The following TFEC variants were observed in gnomAD, a reference collection of about 807,000 sequenced individuals.
TFEC encodes transcription factor EC.
A neutral mutation model predicts 41.6 loss-of-function variants in TFEC; 31 were observed. That is an observed-to-expected ratio of 0.74 (90% confidence interval 0.56 to 1.01). TFEC has a LOEUF of 1.01. Ranked by LOEUF, TFEC falls within the 50% of genes least tolerant of loss-of-function variation. The probability of loss-of-function intolerance (pLI) is 0.00; values close to 1 mark genes in which losing one functional copy is unlikely to be tolerated. For missense variants in TFEC, 402 were observed against 404.1 expected (o/e 0.99, Z 0.04); for synonymous variants, 143 against 140.6 (o/e 1.02, Z -0.12).
chr7:116,145,781 T>C (rs1798629162), intron 1 of TFEC, among the ~76,000 whole-genome samples: 1 of 152,172 alleles, frequency 6.6e-6, no homozygotes, highest in Admixed American at 6.5e-5. Flanking sequence ...GTCCATGGCA[T>C]CCACTAAAAT....
chr7:116,008,903 T>A (rs915597636), intron 1 of TFEC, among the ~76,000 whole-genome samples: 1 of 152,200 alleles, frequency 6.6e-6, no homozygotes, highest in Non-Finnish European at 1.5e-5. Flanking sequence ...AAAATGTGAT[T>A]GTAACATATT....
intron 1 of TFEC, among the ~76,000 whole-genome samples, chr7:115,994,094 C>T (rs1794248645): frequency 6.6e-6 from 1 of 152,158 alleles, no homozygotes; most frequent in Non-Finnish European, 1.5e-5. Flanking sequence ...TGACAAAAAC[C>T]AGAAATGGGG....
chr7:116,020,131 A>G (rs536865220), intron 1 of TFEC, among the ~76,000 whole-genome samples: 2 of 152,290 alleles, frequency 1.3e-5, no homozygotes, highest in South Asian at 2.1e-4. Flanking sequence ...GTGGGGCCAG[A>G]GGATAGGTTA....
chr7:115,984,911 A>G (rs1366994966), intron 1 of TFEC, among the ~76,000 whole-genome samples: 1 of 152,122 alleles, frequency 6.6e-6, no homozygotes, highest in Non-Finnish European at 1.5e-5. Flanking sequence ...ACACATAAAT[A>G]TTCTATGGAA....
chr7:116,126,935 T>TTAAA (rs148050920), intron 1 of TFEC, among the ~76,000 whole-genome samples: 2,775 of 152,176 alleles, frequency 0.018, 40 homozygotes, highest in Non-Finnish European at 0.027. Flanking sequence ...ACAAAATAAA[T>TTAAA]TAAATAAATA....
At chr7:116,138,527 C>A (rs1798479093) in intron 1 of TFEC, among the ~76,000 whole-genome samples, 1 of 152,170 alleles carries the variant, frequency 6.6e-6, no homozygotes, top group Non-Finnish European at 1.5e-5. Flanking sequence ...CTAAAATTAA[C>A]AAGCTACTAA....
intron 3 of TFEC, among the ~76,000 whole-genome samples, chr7:116,055,129 A>G (rs906889960): frequency 6.6e-6 from 1 of 152,142 alleles, no homozygotes; most frequent in Admixed American, 6.5e-5. Flanking sequence ...AGTTTAGTGA[A>G]TAAGTTCAAT....
At chr7:116,081,120 G>A (rs1797080376) in intron 3 of TFEC, among the ~76,000 whole-genome samples, 1 of 151,702 alleles carries the variant, frequency 6.6e-6, no homozygotes, top group Non-Finnish European at 1.5e-5. Context: ...CTCCGGAATA[G>A]AATACCAAAC....
chr7:116,062,664 T>G (rs1796597796), intron 3 of TFEC, among the ~76,000 whole-genome samples: 1 of 149,340 alleles, frequency 6.7e-6, no homozygotes, highest in Non-Finnish European at 1.5e-5. Context: ...AAATTGCAAA[T>G]TGTGCTGCTA....
rs1422610436 is a variant in TFEC at position 115,937,590 on chromosome 7, T to C, written c.*2961A>G. The C allele has an allele frequency of 6.6e-6, 1 of 151,722 alleles. No individual in the cohort carries two copies. 9.4% of individuals were successfully genotyped at this position (151,722 alleles called of 1,614,324 possible). A position where few individuals can be genotyped will look rare whatever the true frequency, so the allele number is the denominator to read the frequency against. ...TAAATAGAAGGCATAGTTTGCTGAG[T>C]GGGGAGGACATGTTTGATAAACGAC... On this transcript the variant is annotated 3_prime_UTR_variant, in exon 8 of 8. Coordinates refer to ENST00000265440, the MANE Select transcript of TFEC (RefSeq NM_012252.4).
intron 1 of TFEC, among the ~76,000 whole-genome samples, chr7:116,014,530 C>A (rs1795119178): frequency 6.6e-6 from 1 of 152,022 alleles, no homozygotes; most frequent in Admixed American, 6.6e-5. Context: ...CAAATTAAAA[C>A]AAAAATATTT....
At position 115,935,387 on chromosome 7, in the gene TFEC, T is replaced by C. The variant is rs1216903886; in HGVS notation, c.*5164A>G. 5 of 152,102 alleles carry C rather than the reference T, an allele frequency of 3.3e-5. No individual in the cohort carries two copies. Among genetic ancestry groups the C allele is most frequent in the Admixed American group, 3.3e-4 (5 of 15,218 alleles). 9.4% of individuals were successfully genotyped at this position (152,102 alleles called of 1,614,324 possible). On this transcript the variant is annotated 3_prime_UTR_variant, in exon 8 of 8. Transcript: ENST00000265440. ...ATGTCAGATTAAAATTATAGGAATGTTACTTCAGCTATTTGTATATGTAAA... is the reference window on the plus strand; with the variant it reads ...ATGTCAGATTAAAATTATAGGAATGCTACTTCAGCTATTTGTATATGTAAA...
At chr7:116,062,119 G>A (rs1796571813) in intron 3 of TFEC, among the ~76,000 whole-genome samples, 1 of 149,896 alleles carries the variant, frequency 6.7e-6, no homozygotes, top group African/African-American at 2.5e-5. Context: ...GGACTGCAGT[G>A]GTGTGATCTT....
At chr7:115,979,789 A>G (rs1315521057) in intron 2 of TFEC, among the ~76,000 whole-genome samples, 1 of 152,030 alleles carries the variant, frequency 6.6e-6, no homozygotes, top group African/African-American at 2.4e-5. Context: ...CTCATCTTCC[A>G]CCTTCACTTT....
intron 3 of TFEC, among the ~76,000 whole-genome samples, chr7:116,043,505 G>A (rs1796089112): frequency 6.6e-6 from 1 of 152,088 alleles, no homozygotes; most frequent in Non-Finnish European, 1.5e-5. Flanking sequence ...CATGGGTAAA[G>A]TACATAAGCA....
chr7:116,048,538 C>A (rs1796228114), intron 3 of TFEC, among the ~76,000 whole-genome samples: 1 of 152,148 alleles, frequency 6.6e-6, no homozygotes, highest in Admixed American at 6.5e-5. Flanking sequence ...GAGAATGGAA[C>A]CAAGTTGGAA....
chr7:116,093,820 T>C (rs1797385148), intron 3 of TFEC, among the ~76,000 whole-genome samples: 1 of 152,202 alleles, frequency 6.6e-6, no homozygotes, highest in Non-Finnish European at 1.5e-5. Flanking sequence ...CTCTAAAAGT[T>C]AGTATAGACA....
intron 3 of TFEC, among the ~76,000 whole-genome samples, chr7:115,970,557 G>A (rs1793086720): frequency 6.6e-6 from 1 of 151,902 alleles, no homozygotes; most frequent in Non-Finnish European, 1.5e-5. Context: ...TTTAGTGAGT[G>A]TTATTAAAGA....
intron 3 of TFEC, among the ~76,000 whole-genome samples, chr7:116,039,957 T>C (rs1409538776): frequency 2.0e-5 from 3 of 152,094 alleles, no homozygotes; most frequent in Non-Finnish European, 4.4e-5. Flanking sequence ...AGAACTGGGG[T>C]AAGTTTCCCT....
Sources: allele counts gnomAD v4.1 joint callset (sites outside exome capture counted in the v4.1 genomes callset), GRCh38; gene constraint gnomAD v4.1.1; transcripts MANE v1.5; gene names NCBI Gene and HGNC (gene_info 2026-07-23, HGNC 2026-07-21).